The following NDUFS1 variants were observed in gnomAD, a reference collection of about 807,000 sequenced individuals.
The protein encoded by NDUFS1 is NADH-ubiquinone oxidoreductase 75 kDa subunit, mitochondrial.
A neutral mutation model predicts 84.4 loss-of-function variants in NDUFS1; 61 were observed. That is an observed-to-expected ratio of 0.72 (90% confidence interval 0.59 to 0.89). NDUFS1 has a LOEUF of 0.89. Among genes scored for constraint, NDUFS1 ranks in the 40% least tolerant of loss-of-function variants. The probability of loss-of-function intolerance (pLI) is 0.00; values close to 1 mark genes in which losing one functional copy is unlikely to be tolerated. For missense variants in NDUFS1, 891 were observed against 890.0 expected (o/e 1.00, Z -0.01); for synonymous variants, 275 against 290.0 (o/e 0.95, Z 0.53).
intron 3 of NDUFS1, 54 bp from the exon 4 acceptor site, chr2:206,149,979 C>CA (rs1692309384): frequency 8.1e-7 from 1 of 1,234,170 alleles, no homozygotes; most frequent in East Asian, 2.4e-5. Flanking sequence ...AACCTGACTT[C>CA]ACTGCTGTTA....
At chr2:206,152,398 A>G (rs542764451) in intron 3 of NDUFS1, 21 bp downstream of exon 3, 1 of 1,594,864 alleles carries the variant, frequency 6.3e-7, no homozygotes, top group Non-Finnish European at 8.6e-7. Flanking sequence ...CACACACAAA[A>G]TAGTTAGAAT....
rs957960301 is a variant in NDUFS1, at chr2:206,130,393, C to T, written c.1554-151G>A. On this transcript the variant is annotated intron_variant, in intron 14 of 18. Transcript: ENST00000233190. ...TCTCGGCGATAGAGTCTCACTTTGT[C>T]GCCCAGGCTGGAGCGCAGTGGCGTG... The T allele has an allele frequency of 3.8e-5, 40 of 1,044,880 alleles. No individual in the cohort carries two copies. The East Asian group carries it at 5.6e-4, about 15-fold the overall frequency. 64.7% of individuals were successfully genotyped at this position (1,044,880 alleles called of 1,614,324 possible). A position where few individuals can be genotyped will look rare whatever the true frequency, so the allele number is the denominator to read the frequency against.
At chr2:206,152,703 C>CTTTTTTTTTT (rs71034411) in intron 2 of NDUFS1, among the ~76,000 whole-genome samples, 193 bp from the exon 3 acceptor site, 1 of 121,284 alleles carries the variant, frequency 8.2e-6, no homozygotes, top group Non-Finnish European at 1.7e-5. Flanking sequence ...CTTTCTTCTT[C>CTTTTTTTTTT]TTTTTTTTTT....
At chr2:206,147,696 G>A (rs1692212703) in intron 6 of NDUFS1, 35 bp from the exon 7 acceptor site, 1 of 1,613,990 alleles carries the variant, frequency 6.2e-7, no homozygotes, top group Non-Finnish European at 8.5e-7. Context: ...ATCTCATGCT[G>A]CTAATAAAAT....
chr2:206,133,907 G>A (rs897990284), intron 13 of NDUFS1, among the ~76,000 whole-genome samples: 1 of 152,240 alleles, frequency 6.6e-6, no homozygotes, highest in Admixed American at 6.5e-5. Context: ...TTGAACCTGG[G>A]AGGCGGAGGT....
chr2:206,128,253 C>T (rs1691371036), intron 15 of NDUFS1, among the ~76,000 whole-genome samples: 1 of 151,988 alleles, frequency 6.6e-6, no homozygotes, highest in Non-Finnish European at 1.5e-5. Context: ...GCAAGCTCTG[C>T]CTCCTGGGTT....
intron 14 of NDUFS1, among the ~76,000 whole-genome samples, chr2:206,131,504 A>C (rs1691509453): frequency 6.6e-6 from 1 of 152,170 alleles, no homozygotes; most frequent in Non-Finnish European, 1.5e-5. Flanking sequence ...TATGTAACTA[A>C]AAAATATTAC....
Position 206,130,188 on chromosome 2 carries a change from T to C in NDUFS1, c.1608A>G (p.Ala536=). The C allele has an allele frequency of 1.2e-6, 2 of 1,614,192 alleles. No individual in the cohort carries two copies. The highest frequency in any genetic ancestry group is 1.7e-6 in the Non-Finnish European group (2 of 1,180,036). ...LDLGYKPGVE[A]IRKNPPKVLF... is the part of the protein sequence containing the mutation. ...GCACCTTGGGAGGGTTCTTCCGAAT[T>C]GCTTCCACCCCAGGCTTATAGCCAA... The change falls in exon 15 of 19, where the codon GCA becomes GCG. Residue 536 remains alanine, a synonymous_variant. Transcript: ENST00000233190.
chr2:206,150,113 A>G (rs537406038), intron 3 of NDUFS1, among the ~76,000 whole-genome samples, 188 bp from the exon 4 acceptor site: 1 of 151,980 alleles, frequency 6.6e-6, no homozygotes, highest in South Asian at 2.1e-4. Context: ...TCTCCTCTGA[A>G]GCTGCCTCAG....
rs1231629528 is a variant in NDUFS1 at position 206,142,060 on chromosome 2, C to A, written c.1143G>T (p.Leu381Phe). 3.1e-6 allele frequency: 5 copies of A among 1,596,414 alleles called. No homozygotes were observed. Among genetic ancestry groups the A allele is most frequent in the Admixed American group, 3.3e-5 (2 of 59,922 alleles). The change falls in exon 12 of 19, where the codon TTG (leucine) becomes TTT (phenylalanine). Residue 381 changes from leucine to phenylalanine, a missense_variant. Leu to Phe is a conservative substitution (Grantham distance 22). Transcript: ENST00000233190. ...VFPTAGAGTD[L>F]RSNYLLNTTI... ...TAGTATTAAGAAGATAATTGGAACG[C>A]AAATCTGTGCTAGAAATACAATATA...
chr2:206,121,415 G>A lies in NDUFS1; in HGVS notation c.*2770C>T, dbSNP rs565234446. 4.6e-5 allele frequency: 7 copies of A among 152,190 alleles called. No individual in the cohort carries two copies. The highest frequency in any genetic ancestry group is 2.4e-5 in the African/African-American group (1 of 41,538). The allele number at this position is 152,190 out of a possible 1,614,324, so 9.4% of individuals were successfully genotyped here. A position where few individuals can be genotyped will look rare whatever the true frequency, so the allele number is the denominator to read the frequency against. ...ACTAATATGTGCCCATGAGACAGAC[G>A]GAGCACTACTTATCCCAGAGGAGGT... On this transcript the variant is annotated 3_prime_UTR_variant, in exon 19 of 19. Coordinates refer to ENST00000233190, the MANE Select transcript of NDUFS1 (RefSeq NM_005006.7).
intron 2 of NDUFS1, among the ~76,000 whole-genome samples, chr2:206,152,803 C>A (rs970725567): frequency 2.0e-5 from 3 of 149,364 alleles, no homozygotes; most frequent in Non-Finnish European, 4.4e-5. Context: ...CTCCCCGGTT[C>A]AAGCGATTCT....
chr2:206,142,568 GTC>G, intron 11 of NDUFS1, 116 bp downstream of exon 11: 1 of 1,267,952 alleles, frequency 7.9e-7, no homozygotes, highest in Non-Finnish European at 1.1e-6. Flanking sequence ...TTTGATCTTG[GTC>G]TATATATGAA....
intron 17 of NDUFS1, 39 bp from the exon 18 acceptor site, chr2:206,126,650 C>T (rs565291585): frequency 1.2e-5 from 19 of 1,613,908 alleles, no homozygotes; most frequent in South Asian, 3.3e-5. Flanking sequence ...ATATGGAAAA[C>T]TAGTACTGTT....
intron 15 of NDUFS1, 92 bp from the exon 16 acceptor site, chr2:206,128,064 T>C: frequency 7.1e-7 from 1 of 1,400,650 alleles, no homozygotes; most frequent in Non-Finnish European, 9.9e-7. Context: ...TTAAATCCCA[T>C]TTTGTAAAGT....
intron 14 of NDUFS1, among the ~76,000 whole-genome samples, chr2:206,130,721 T>C (rs1691480348): frequency 6.6e-6 from 1 of 152,208 alleles, no homozygotes; most frequent in Non-Finnish European, 1.5e-5. Context: ...TTTACTGTTT[T>C]GAGAATGGCA....
rs536432247 is a variant in NDUFS1, at chr2:206,120,757, A to C, written c.*3428T>G. The stretch of plus-strand genomic sequence containing the variant: ...CAGAGCGTAGAAGTTTGGAAAATTC[A>C]CAGACTAGTCATGTGGCAGAGAAGG... On this transcript the variant is annotated 3_prime_UTR_variant, in exon 19 of 19. Transcript: ENST00000233190. 2 of 152,344 alleles carry C rather than the reference A, an allele frequency of 1.3e-5. No homozygotes were observed. The highest frequency in any genetic ancestry group is 4.2e-4 in the South Asian group (2 of 4,818). The allele number at this position is 152,344 out of a possible 1,614,324, so 9.4% of individuals were successfully genotyped here.
chr2:206,130,007 C>G (rs1691442566), intron 15 of NDUFS1, 81 bp downstream of exon 15: 4 of 1,540,706 alleles, frequency 2.6e-6, no homozygotes, highest in Non-Finnish European at 3.6e-6. Flanking sequence ...ACATTCAGTT[C>G]ACTAAATATA....
chr2:206,147,139 C>A, intron 7 of NDUFS1, 51 bp from the exon 8 acceptor site: 1 of 1,550,920 alleles, frequency 6.4e-7, no homozygotes, highest in South Asian at 1.1e-5. Context: ...AAAATTATTT[C>A]CTTTCTTATT....
Sources: gnomAD v4.1 joint callset for allele counts (sites outside exome capture counted in the v4.1 genomes callset) on GRCh38, gnomAD v4.1.1 for gene constraint, MANE v1.5 for transcripts, NCBI Gene and HGNC (gene_info 2026-07-23, HGNC 2026-07-21) for gene names.